Variants in CGNL1 observed in about 807,000 individuals in gnomAD.
CGNL1 encodes the protein cingulin like 1.
Under a neutral mutation model 141.2 loss-of-function variants are expected in CGNL1, and 132 were observed. The ratio of observed to expected loss-of-function variants is 0.93; its 90% CI spans 0.81 to 1.08. The LOEUF is 1.08. Ranked by LOEUF, CGNL1 falls within the 50% of genes least tolerant of loss-of-function variation. The pLI, the probability that CGNL1 is intolerant of heterozygous loss-of-function variation, is 0.00. For missense variants in CGNL1, 1,870 were observed against 1,588.6 expected, an observed-to-expected ratio of 1.18 and a Z score of -3.01; for synonymous variants, 690 against 622.1, an observed-to-expected ratio of 1.11 and a Z score of -1.63.
rs578158023 is a variant in CGNL1, at chr15:57,467,852, G to A, written c.2403+5960G>A. On this transcript the variant is annotated intron_variant, in intron 8 of 18. Coordinates refer to ENST00000281282, the MANE Select transcript of CGNL1 (RefSeq NM_032866.5). ...TTACAGGCGCCTGCCACCACACCCC[G>A]CTGATTTTTACGTTTTTAGTAGAGA... is the stretch of plus-strand genomic sequence containing the variant. 3.9e-5 allele frequency among the ~76,000 whole-genome samples: 6 copies of A among 151,976 alleles called. No homozygotes were observed. The South Asian group carries it at 1.2e-3, about 32-fold the overall frequency.
rs535745215 is a variant in CGNL1 at position 57,443,013 on chromosome 15, A to C, written c.1803+535A>C. On this transcript the variant is annotated intron_variant, in intron 4 of 18. Transcript: ENST00000281282. ...ATACAAACAGATGGCGAGATTTAGA[A>C]GAGGAAAATAAGAATAGGAAGACTA... Among the ~76,000 whole-genome samples the C allele has an allele frequency of 4.6e-5, 7 of 152,334 alleles. 1 individual carries two copies. Among genetic ancestry groups the C allele is most frequent in the African/African-American group, 1.4e-4 (6 of 41,574 alleles).
At chr15:57,473,043 T>C (rs1269446947) in intron 8 of CGNL1, among the ~76,000 whole-genome samples, 2 of 152,130 alleles carry the variant, frequency 1.3e-5, no homozygotes, top group Non-Finnish European at 2.9e-5. Context: ...AAAGGAGCTA[T>C]GGCTACTCAC....
At chr15:57,514,232 A>T (rs1041130501) in intron 8 of CGNL1, among the ~76,000 whole-genome samples, 4 of 151,974 alleles carry the variant, frequency 2.6e-5, no homozygotes, top group African/African-American at 9.7e-5. Flanking sequence ...GCTCACTGCA[A>T]TCTCTGCCTC....
intron 7 of CGNL1, among the ~76,000 whole-genome samples, chr15:57,457,651 G>A (rs1396555277): frequency 6.6e-6 from 1 of 152,168 alleles, no homozygotes; most frequent in Admixed American, 6.5e-5. Context: ...CTCTCACATG[G>A]TGGCAAACAA....
chr15:57,520,573 G>A (rs7172978), intron 10 of CGNL1, among the ~76,000 whole-genome samples: 62,795 of 152,152 alleles, frequency 0.41, 13,047 homozygotes, highest in South Asian at 0.45. Flanking sequence ...CTGTGTTGCT[G>A]TCTAGGGCTA....
intron 14 of CGNL1, among the ~76,000 whole-genome samples, chr15:57,540,174 C>T (rs1055587965): frequency 9.9e-5 from 15 of 152,098 alleles, no homozygotes; most frequent in African/African-American, 3.1e-4. Context: ...TGGTCTGCCC[C>T]CTTCCGGTTT....
chr15:57,418,807 T>C (rs1165288856), intron 1 of CGNL1, among the ~76,000 whole-genome samples: 2 of 152,126 alleles, frequency 1.3e-5, no homozygotes, highest in African/African-American at 4.8e-5. Flanking sequence ...CGGTGACCTA[T>C]TGAATGATGT....
intron 1 of CGNL1, among the ~76,000 whole-genome samples, chr15:57,386,691 A>G (rs1444622240): frequency 1.3e-5 from 2 of 152,216 alleles, no homozygotes; most frequent in Non-Finnish European, 2.9e-5. Flanking sequence ...TAAAATGAGG[A>G]TAACGACAGT....
chr15:57,549,949 G>C lies in CGNL1; in HGVS notation c.*2459G>C, dbSNP rs1056306918. On this transcript the variant is annotated 3_prime_UTR_variant, in exon 19 of 19. Coordinates refer to ENST00000281282, the MANE Select transcript of CGNL1 (RefSeq NM_032866.5). ...CTAGAGACGCTGCTGGGGAAGGTCA[G>C]CACACCCAAGAACTTTGGGAGTGTG... 2.0e-5 allele frequency: 3 copies of C among 152,214 alleles called. No homozygotes were observed. Among genetic ancestry groups the C allele is most frequent in the African/African-American group, 4.8e-5 (2 of 41,450 alleles). The allele number at this position is 152,214 out of a possible 1,614,324, so 9.4% of individuals were successfully genotyped here. A position where few individuals can be genotyped will look rare whatever the true frequency, so the allele number is the denominator to read the frequency against.
chr15:57,442,459 G>A lies in CGNL1; in HGVS notation c.1784G>A (p.Ser595Asn), dbSNP rs1181975446. ...IQTLKSRAAG[S>N]AQGNNQACNS... ...ACCTTAAAGTCTCGAGCAGCTGGGA[G>A]CGCCCAAGGAAATAACCAAGTAAAT... The change falls in exon 4 of 19, where the codon AGC becomes AAC. Residue 595 changes from serine to asparagine, a missense_variant. Ser to Asn is a conservative substitution (Grantham distance 46, BLOSUM62 1). Transcript: ENST00000281282. 5 of 1,611,642 alleles carry A rather than the reference G, an allele frequency of 3.1e-6. No homozygotes were observed. In the East Asian group the frequency reaches 8.9e-5, roughly 29 times the overall value.
chr15:57,508,008 A>T (rs1157176700), intron 8 of CGNL1, among the ~76,000 whole-genome samples: 1 of 152,222 alleles, frequency 6.6e-6, no homozygotes, highest in African/African-American at 2.4e-5. Flanking sequence ...CTGGTCTAGA[A>T]TTCACATCTT....
Position 57,438,794 on chromosome 15 carries a change from C to T in CGNL1, c.795C>T (p.His265=). Residue 265 remains histidine (H), a synonymous_variant, in exon 2 of 19, where the codon CAC becomes CAT. Coordinates refer to ENST00000281282, the MANE Select transcript of CGNL1 (RefSeq NM_032866.5). ...RPLTAHSPHA[H]PETKKTRPDV... Reference sequence around the variant, plus strand: ...TGACTGCCCACAGCCCACATGCCCACCCTGAAACCAAGAAAACCAGGCCAG... The same window carrying T: ...TGACTGCCCACAGCCCACATGCCCATCCTGAAACCAAGAAAACCAGGCCAG... 1.2e-6 allele frequency: 2 copies of T among 1,614,196 alleles called. No homozygotes were observed. Among genetic ancestry groups the T allele is most frequent in the Non-Finnish European group, 1.7e-6 (2 of 1,180,040 alleles).
intron 8 of CGNL1, among the ~76,000 whole-genome samples, chr15:57,467,890 A>T (rs2063529696): frequency 6.6e-6 from 1 of 152,012 alleles, no homozygotes; most frequent in Admixed American, 6.6e-5. Flanking sequence ...GGGTTTCACC[A>T]TGTTGGCCAG....
intron 8 of CGNL1, among the ~76,000 whole-genome samples, chr15:57,513,287 T>TG (rs1386023349): frequency 2.9e-5 from 3 of 101,714 alleles, no homozygotes; most frequent in Non-Finnish European, 5.7e-5. Context: ...TGTGTGTGTG[T>TG]GTGTGTGTTT....
At chr15:57,453,883 A>G (rs1165505813) in intron 7 of CGNL1, 65 bp downstream of exon 7, 13 of 1,593,354 alleles carry the variant, frequency 8.2e-6, no homozygotes, top group Non-Finnish European at 1.1e-5. Flanking sequence ...TGGAGTGGCT[A>G]GGGTTTGTGG....
intron 1 of CGNL1, among the ~76,000 whole-genome samples, chr15:57,426,924 A>G (rs1444927535): frequency 6.6e-6 from 1 of 152,148 alleles, no homozygotes; most frequent in Non-Finnish European, 1.5e-5. Flanking sequence ...GGGGCAGAAG[A>G]TGAAGGCTGG....
In CGNL1 at chr15:57,453,794, C is replaced by A; in HGVS notation, c.2166C>A (p.Asp722Glu). The A allele has an allele frequency of 1.2e-6, 2 of 1,613,712 alleles. No individual in the cohort carries two copies. The highest frequency in any genetic ancestry group is 1.7e-6 in the Non-Finnish European group (2 of 1,179,912). ...DELDSAKRSE[D>E]REKGALIEEL... ...TGGACAGTGCAAAGCGATCGGAGGA[C>A]AGGGAGAAGGGAGCTCTGATTGAGG... is the stretch of plus-strand genomic sequence containing the variant. Residue 722 changes from aspartate to glutamate, a missense_variant, in exon 7 of 19, where the codon GAC becomes GAA. Coordinates refer to ENST00000281282, the MANE Select transcript of CGNL1 (RefSeq NM_032866.5).
At chr15:57,475,211 G>C (rs1386866417) in intron 8 of CGNL1, among the ~76,000 whole-genome samples, 1 of 152,162 alleles carries the variant, frequency 6.6e-6, no homozygotes, top group African/African-American at 2.4e-5. Flanking sequence ...ACAGAGTCCT[G>C]CCTGGTCTCC....
At position 57,540,966 on chromosome 15, in the gene CGNL1, G is replaced by A. The variant is rs540566598; in HGVS notation, c.3292-2730G>A. On this transcript the variant is annotated intron_variant, in intron 14 of 18. Transcript: ENST00000281282. ...GGGAAACTCCTAATGGTTGAGAGAC[G>A]GGGTGGCTGCTCTGCCTAAGGATGG... Among the ~76,000 whole-genome samples, 5 of 152,314 alleles carry A rather than the reference G, an allele frequency of 3.3e-5. No individual in the cohort carries two copies. In the South Asian group the frequency reaches 6.2e-4, roughly 19 times the overall value.
Sources: allele counts gnomAD v4.1 joint callset (sites outside exome capture counted in the v4.1 genomes callset), GRCh38; gene constraint gnomAD v4.1.1; transcripts MANE v1.5; gene names NCBI Gene and HGNC (gene_info 2026-07-23, HGNC 2026-07-21).